Variants in TMEM45A observed in about 807,000 individuals in gnomAD.
TMEM45A encodes the protein DNA polymerase-transactivated protein 4.
TMEM45A carries 25 observed loss-of-function variants against 32.0 expected under a neutral mutation model. That is an observed-to-expected ratio of 0.78 (90% CI 0.57 to 1.09). TMEM45A has a LOEUF of 1.09. TMEM45A is among the 50% of genes least tolerant of loss of function. The pLI is 0.00. For missense variants in TMEM45A, 302 were observed against 325.0 expected, an observed-to-expected ratio of 0.93 and a Z score of 0.54; for synonymous variants, 122 against 114.8, an observed-to-expected ratio of 1.06 and a Z score of -0.40.
intron 1 of TMEM45A, among the ~76,000 whole-genome samples, chr3:100,505,001 C>G (rs937370838): frequency 6.6e-6 from 1 of 152,042 alleles, no homozygotes; most frequent in Non-Finnish European, 1.5e-5. Context: ...TGTCGTGGGT[C>G]GAGATGATGG....
In TMEM45A at chr3:100,529,668, A is replaced by G. The variant is rs563966304; in HGVS notation, c.-3-25541A>G. On this transcript the variant is annotated intron_variant, in intron 1 of 5. Coordinates refer to ENST00000323523, the MANE Select transcript of TMEM45A (RefSeq NM_018004.3). The stretch of plus-strand genomic sequence containing the variant: ...ATAGGGTCTCATTCTGTCACCCAGG[A>G]TGGAGTGCAGTGGAGTGATCTAGCT... Among the ~76,000 whole-genome samples the G allele has an allele frequency of 1.7e-4, 26 of 152,200 alleles. No individual in the cohort carries two copies. The East Asian group carries it at 5.0e-3, about 29-fold the overall frequency.
At chr3:100,515,657 T>G (rs963479668) in intron 1 of TMEM45A, among the ~76,000 whole-genome samples, 1 of 151,522 alleles carries the variant, frequency 6.6e-6, no homozygotes, top group Non-Finnish European at 1.5e-5. Context: ...AAAGAACTAT[T>G]GAGCCACAAA....
At chr3:100,572,172 C>A (rs1253521503) in intron 5 of TMEM45A, 1 of 152,200 alleles carries the variant, frequency 6.6e-6, no homozygotes, top group African/African-American at 2.4e-5. Flanking sequence ...GAGGAATCGC[C>A]ACACTGACTT....
At chr3:100,498,215 G>C (rs1576253623) in intron 1 of TMEM45A, among the ~76,000 whole-genome samples, 1 of 152,176 alleles carries the variant, frequency 6.6e-6, no homozygotes. Context: ...AGCCTCCCCA[G>C]CCATGTGGAA....
intron 1 of TMEM45A, among the ~76,000 whole-genome samples, chr3:100,551,544 G>A (rs1706103773): frequency 6.6e-6 from 1 of 152,190 alleles, no homozygotes; most frequent in African/African-American, 2.4e-5. Context: ...CAAGGAGTAA[G>A]TTGCACCTGA....
chr3:100,536,007 A>G (rs1349467611), intron 1 of TMEM45A, among the ~76,000 whole-genome samples: 1 of 152,192 alleles, frequency 6.6e-6, no homozygotes, highest in Non-Finnish European at 1.5e-5. Flanking sequence ...TTTCTTAACT[A>G]GTGACAAGAG....
rs61341173 is a variant in TMEM45A at position 100,541,524 on chromosome 3, C to CTTTTTTTT, written c.-3-13672_-3-13665dup. Among the ~76,000 whole-genome samples, 3 of 111,266 alleles carry CTTTTTTTT rather than the reference C, an allele frequency of 2.7e-5. 1 individual carries two copies. The highest frequency in any genetic ancestry group is 1.8e-5 in the Non-Finnish European group (1 of 56,804). 73.0% of individuals were successfully genotyped at this position (111,266 alleles called of 152,430 possible). On this transcript the variant is annotated intron_variant, in intron 1 of 5. Coordinates refer to ENST00000323523, the MANE Select transcript of TMEM45A (RefSeq NM_018004.3). ...TTTTCTTTTTCTTTTCTTTTCTTTC[C>CTTTTTTTT]TTTTTTTTTTTTTTTTTTTTCTGAG...
intron 3 of TMEM45A, among the ~76,000 whole-genome samples, chr3:100,557,367 A>G (rs1706242603): frequency 6.6e-6 from 1 of 152,234 alleles, no homozygotes; most frequent in African/African-American, 2.4e-5. Flanking sequence ...AGCTTCCACT[A>G]TCTACTAACA....
At chr3:100,566,906 T>C (rs1706452845) in intron 4 of TMEM45A, among the ~76,000 whole-genome samples, 1 of 152,162 alleles carries the variant, frequency 6.6e-6, no homozygotes, top group Admixed American at 6.5e-5. Flanking sequence ...ATATATGATT[T>C]GCAAATATTT....
intron 5 of TMEM45A, chr3:100,572,716 G>C (rs954110781): frequency 2.6e-5 from 4 of 151,842 alleles, no homozygotes; most frequent in African/African-American, 4.8e-5. Context: ...TTTTCTTCTA[G>C]GGTTTTTATG....
At chr3:100,512,887 A>C (rs1426684544) in intron 1 of TMEM45A, among the ~76,000 whole-genome samples, 1 of 152,148 alleles carries the variant, frequency 6.6e-6, no homozygotes, top group Non-Finnish European at 1.5e-5. Flanking sequence ...GAAATGGATA[A>C]ATTCTTGGAC....
chr3:100,497,668 T>C (rs1256148041), intron 1 of TMEM45A, among the ~76,000 whole-genome samples: 1 of 152,246 alleles, frequency 6.6e-6, no homozygotes, highest in Non-Finnish European at 1.5e-5. Context: ...TTTATTCTTT[T>C]ATGTTTAGCT....
intron 5 of TMEM45A, chr3:100,572,542 C>T (rs1447490479): frequency 4.6e-5 from 7 of 151,530 alleles, no homozygotes; most frequent in Admixed American, 3.3e-4. Context: ...TTCTCCCATT[C>T]TGTAGGTTGC....
At chr3:100,511,561 T>A (rs1005217817) in intron 1 of TMEM45A, among the ~76,000 whole-genome samples, 3 of 151,308 alleles carry the variant, frequency 2.0e-5, no homozygotes, top group African/African-American at 7.3e-5. Flanking sequence ...AGAAACTGCA[T>A]GAACTAATGA....
intron 1 of TMEM45A, among the ~76,000 whole-genome samples, chr3:100,553,861 T>C (rs1258810525): frequency 6.6e-6 from 1 of 152,126 alleles, no homozygotes; most frequent in Non-Finnish European, 1.5e-5. Context: ...CTGCCTGGGG[T>C]CACCACTGAG....
At chr3:100,539,490 T>TATACGTATATGTATATGTATACGTATAC (rs1383500797) in intron 1 of TMEM45A, among the ~76,000 whole-genome samples, 1 of 72,406 alleles carries the variant, frequency 1.4e-5, no homozygotes, top group South Asian at 4.6e-4. Context: ...TATATGTATA[T>TATACGTATATGTATATGTATACGTATAC]GTATACGTAT....
chr3:100,567,518 C>CAAAAAAAATAAAAAAAAAAAA (rs1706467505), intron 4 of TMEM45A, among the ~76,000 whole-genome samples: 1 of 63,498 alleles, frequency 1.6e-5, no homozygotes. Context: ...ACCATTTCTG[C>CAAAAAAAATAAAAAAAAAAAA]AAAAAAAAAA....
rs1197174887 is a variant in TMEM45A at position 100,506,910 on chromosome 3, G to A, written c.-4+13982G>A. Among the ~76,000 whole-genome samples, 7 of 152,158 alleles carry A rather than the reference G, an allele frequency of 4.6e-5. No homozygotes were observed. The East Asian group carries it at 1.3e-3, about 29-fold the overall frequency. On this transcript the variant is annotated intron_variant, in intron 1 of 5. Transcript: ENST00000323523. ...GCTAAGCCAAGTTCTAGAACCAGAAGCCCTTTGGAACCCAACAGGAACATA... is the reference window on the plus strand; with the variant it reads ...GCTAAGCCAAGTTCTAGAACCAGAAACCCTTTGGAACCCAACAGGAACATA...
chr3:100,518,777 G>A (rs1359100386), intron 1 of TMEM45A, among the ~76,000 whole-genome samples: 1 of 152,152 alleles, frequency 6.6e-6, no homozygotes. Flanking sequence ...TGAGATGGTC[G>A]GCTTAGGTTG....
Sources: allele counts gnomAD v4.1 joint callset (sites outside exome capture counted in the v4.1 genomes callset), GRCh38; gene constraint gnomAD v4.1.1; transcripts MANE v1.5; gene names NCBI Gene and HGNC (gene_info 2026-07-23, HGNC 2026-07-21).